PHF3: variants seen among roughly 807,000 people sequenced by gnomAD.
PHF3 encodes PHD finger protein 3.
In PHF3, 41 loss-of-function variants were observed where a neutral mutation model predicts 178.4. The ratio of observed to expected loss-of-function variants is 0.23; its 90% CI spans 0.18 to 0.30. The LOEUF (loss-of-function observed/expected upper bound fraction) is 0.30, where lower values mean the gene tolerates loss of function less well. PHF3 is among the 10% of genes least tolerant of loss of function. PHF3 has a pLI of 1.00. For missense variants in PHF3, 2,346 were observed against 2,398.1 expected, an observed-to-expected ratio of 0.98 and a Z score of 0.45; for synonymous variants, 842 against 800.5, an observed-to-expected ratio of 1.05 and a Z score of -0.88.
intron 3 of PHF3, among the ~76,000 whole-genome samples, chr6:63,680,512 C>G (rs915497908): frequency 1.3e-5 from 2 of 150,592 alleles, no homozygotes; most frequent in African/African-American, 4.9e-5. Flanking sequence ...TGACTTCCCA[C>G]TGTGGATGGT....
At chr6:63,706,343 T>A (rs1023464351) in intron 12 of PHF3, 119 bp downstream of exon 12, 14 of 661,030 alleles carry the variant, frequency 2.1e-5, no homozygotes, top group Non-Finnish European at 3.2e-5. Flanking sequence ...AGAAAATAAC[T>A]GTACTTTCCT....
At chr6:63,672,926 T>G (rs1765983040) in intron 2 of PHF3, among the ~76,000 whole-genome samples, 1 of 152,200 alleles carries the variant, frequency 6.6e-6, no homozygotes, top group African/African-American at 2.4e-5. Flanking sequence ...TATGTCACTT[T>G]CCCTTCCCTT....
intron 2 of PHF3, among the ~76,000 whole-genome samples, chr6:63,673,618 A>G (rs918309911): frequency 6.6e-6 from 1 of 152,176 alleles, no homozygotes; most frequent in Non-Finnish European, 1.5e-5. Context: ...TCAGATTTCT[A>G]GAAACTTGCA....
At chr6:63,697,712 T>C (rs2149597637) in intron 6 of PHF3, among the ~76,000 whole-genome samples, 1 of 152,288 alleles carries the variant, frequency 6.6e-6, no homozygotes, top group South Asian at 2.1e-4. Flanking sequence ...ATGAAGATGG[T>C]AAAAATCATA....
intron 13 of PHF3, among the ~76,000 whole-genome samples, chr6:63,708,291 T>A (rs1282568015): frequency 6.6e-6 from 1 of 152,150 alleles, no homozygotes; most frequent in Non-Finnish European, 1.5e-5. Flanking sequence ...CTTGAGCAAA[T>A]CTGTTTAGAA....
chr6:63,659,951 A>G (rs1231443560), intron 2 of PHF3, among the ~76,000 whole-genome samples: 1 of 152,194 alleles, frequency 6.6e-6, no homozygotes, highest in African/African-American at 2.4e-5. Flanking sequence ...CTTCAAGTAC[A>G]TAAGTTCTGT....
In PHF3 at chr6:63,713,491, A is replaced by C; in HGVS notation, c.5903A>C (p.Asp1968Ala). 6.2e-7 allele frequency: 1 copy of C among 1,613,872 alleles called. No individual in the cohort carries two copies. The change falls in exon 16 of 16, where the codon GAT becomes GCT. Residue 1968 changes from aspartate (D) to alanine (A), a missense_variant. Transcript: ENST00000262043. ...DRKSREEGHK[D>A]KERARLSHGD... ...AAAAGCAGGGAGGAAGGGCACAAAG[A>C]TAAAGAGAGGGCACGGTTATCACAT...
chr6:63,720,533 A>C lies in PHF3; in HGVS notation c.*6825A>C. On this transcript the variant is annotated 3_prime_UTR_variant, in exon 16 of 16. Coordinates refer to ENST00000262043, the MANE Select transcript of PHF3 (RefSeq NM_001370348.2). ...TTGATTCCCCGTAAGCAATGTATCA[A>C]AGAAATAACTATCAAAATAACTGCA... 5.6e-6 allele frequency: 7 copies of C among 1,239,012 alleles called. No individual in the cohort carries two copies. Among genetic ancestry groups the C allele is most frequent in the Non-Finnish European group, 7.6e-6 (7 of 915,202 alleles). 76.8% of individuals were successfully genotyped at this position (1,239,012 alleles called of 1,614,324 possible). A position where few individuals can be genotyped will look rare whatever the true frequency, so the allele number is the denominator to read the frequency against.
chr6:63,688,377 C>T (rs1240827085), intron 4 of PHF3, among the ~76,000 whole-genome samples: 31 of 1,228 alleles, frequency 0.025, no homozygotes, highest in African/African-American at 0.19. Context: ...CACTGTTGCC[C>T]AGGGGTGGAG....
At position 63,684,559 on chromosome 6, in the gene PHF3, G is replaced by A; in HGVS notation, c.837G>A (p.Lys279=). 6.2e-7 allele frequency: 1 copy of A among 1,613,924 alleles called. No individual in the cohort carries two copies. Among genetic ancestry groups the A allele is most frequent in the Non-Finnish European group, 8.5e-7 (1 of 1,179,900 alleles). The change falls in exon 4 of 16, where the codon AAG becomes AAA. Residue 279 remains lysine (K), a synonymous_variant. Coordinates refer to ENST00000262043, the MANE Select transcript of PHF3 (RefSeq NM_001370348.2). The part of the protein sequence containing the change: ...KNEALMECKA[K]PVGSPLFKFS... The stretch of plus-strand genomic sequence containing the variant: ...AAGCTTTGATGGAATGTAAAGCCAA[G>A]CCTGTTGGTAGTCCATTGTTTAAGT...
In PHF3 at chr6:63,715,808, GGA is replaced by G. The variant is rs1491474989; in HGVS notation, c.*2101_*2102del. On this transcript the variant is annotated 3_prime_UTR_variant, in exon 16 of 16. Transcript: ENST00000262043. Reference sequence around the variant, plus strand: ...TAGCTATTTGAGGTTTTCCTTTTGAGGAAAAAAAGGGAAAATGAGCAGATTTT... The same window carrying G: ...TAGCTATTTGAGGTTTTCCTTTTGAGAAAAAAGGGAAAATGAGCAGATTTT... Among the ~76,000 whole-genome samples the G allele has an allele frequency of 2.6e-5, 4 of 151,696 alleles. No individual in the cohort carries two copies. The highest frequency in any genetic ancestry group is 5.9e-5 in the Non-Finnish European group (4 of 67,912).
intron 2 of PHF3, among the ~76,000 whole-genome samples, chr6:63,657,492 C>A (rs1235366347): frequency 3.3e-5 from 5 of 151,936 alleles, no homozygotes; most frequent in East Asian, 1.9e-4. Context: ...TGTATTCTTA[C>A]AATAAAGTAC....
chr6:63,654,871 T>A (rs1305500128), intron 2 of PHF3, among the ~76,000 whole-genome samples: 1 of 151,064 alleles, frequency 6.6e-6, no homozygotes, highest in African/African-American at 2.4e-5. Flanking sequence ...CATCAGATAG[T>A]TATTTGTATT....
rs770983569 is a variant in PHF3, at chr6:63,684,344, G to C, written c.622G>C (p.Glu208Gln). 5 of 1,613,980 alleles carry C rather than the reference G, an allele frequency of 3.1e-6. No individual in the cohort carries two copies. The highest frequency in any genetic ancestry group is 4.2e-6 in the Non-Finnish European group (5 of 1,179,880). ...RRCSRNSGQIEVVPEVSVSSS... is the reference protein window; with the variant it reads ...RRCSRNSGQIQVVPEVSVSSS... ...GTGCAGCCGAAATAGCGGACAAATT[G>C]AAGTGGTACCTGAAGTATCAGTGTC... Residue 208 changes from glutamate (E) to glutamine (Q), a missense_variant, in exon 4 of 16, where the codon GAA becomes CAA. Glu to Gln is a conservative substitution (Grantham distance 29). Around this residue, in one of 8 missense-constraint regions of PHF3, gnomAD observed 843 missense variants for 795.2 expected, o/e 1.06. Coordinates refer to ENST00000262043, the MANE Select transcript of PHF3 (RefSeq NM_001370348.2).
chr6:63,646,011 A>G (rs987510938), intron 1 of PHF3, among the ~76,000 whole-genome samples: 2 of 152,128 alleles, frequency 1.3e-5, no homozygotes, highest in Non-Finnish European at 2.9e-5. Context: ...GTCTATATAT[A>G]TATTACCTTT....
intron 2 of PHF3, among the ~76,000 whole-genome samples, chr6:63,668,394 C>T (rs942878722): frequency 7.2e-5 from 11 of 152,128 alleles, no homozygotes; most frequent in African/African-American, 1.4e-4. Context: ...AGTGCAGTGG[C>T]GTGATCATGG....
chr6:63,693,325 C>T (rs919694632), intron 5 of PHF3, among the ~76,000 whole-genome samples: 8 of 152,112 alleles, frequency 5.3e-5, no homozygotes, highest in African/African-American at 1.4e-4. Flanking sequence ...CTTAAAAAGA[C>T]ATCATAAAGG....
intron 4 of PHF3, among the ~76,000 whole-genome samples, chr6:63,691,200 G>C (rs1387538703): frequency 2.0e-5 from 3 of 152,068 alleles, no homozygotes; most frequent in East Asian, 3.8e-4. Flanking sequence ...AGTTTGAGAG[G>C]CTCCATCATG....
intron 2 of PHF3, 129 bp from the exon 3 acceptor site, chr6:63,679,871 T>A: frequency 1.2e-6 from 1 of 809,436 alleles, no homozygotes; most frequent in Non-Finnish European, 2.1e-6. Flanking sequence ...TTAGAAAATT[T>A]CACATTCCAG....
Sources: gnomAD v4.1 joint callset for allele counts (sites outside exome capture counted in the v4.1 genomes callset) on GRCh38, gnomAD v4.1.1 for gene constraint, gnomAD v4.1.1 regional missense constraint, MANE v1.5 for transcripts, NCBI Gene and HGNC (gene_info 2026-07-23, HGNC 2026-07-21) for gene names.